PRKD1: variants seen among roughly 807,000 people sequenced by gnomAD.
The protein encoded by PRKD1 is serine/threonine-protein kinase D1.
A neutral mutation model predicts 95.9 loss-of-function variants in PRKD1; 63 were observed. The observed-to-expected ratio is 0.66, with a 90% CI of 0.54 to 0.81. The LOEUF is 0.81. Among genes scored for constraint, PRKD1 ranks in the 30% least tolerant of loss-of-function variants. The pLI is 0.00. For missense variants in PRKD1, 1,048 were observed against 1,165.3 expected (o/e 0.90, Z 1.47); for synonymous variants, 425 against 423.1 (o/e 1.00, Z -0.05).
intron 16 of PRKD1, among the ~76,000 whole-genome samples, chr14:29,579,011 GA>G (rs1892667631): frequency 6.6e-6 from 1 of 151,986 alleles, no homozygotes; most frequent in Non-Finnish European, 1.5e-5. Flanking sequence ...AGGAAGACAG[GA>G]AAGAAGTCTA....
chr14:29,728,976 T>C (rs2139403879), intron 1 of PRKD1, among the ~76,000 whole-genome samples: 1 of 152,294 alleles, frequency 6.6e-6, no homozygotes, highest in Admixed American at 6.5e-5. Flanking sequence ...CCATTGAATT[T>C]CCATATACAT....
At chr14:29,799,880 C>T (rs896120643) in intron 1 of PRKD1, among the ~76,000 whole-genome samples, 1 of 152,150 alleles carries the variant, frequency 6.6e-6, no homozygotes, top group Non-Finnish European at 1.5e-5. Flanking sequence ...ATACTCTCAA[C>T]AGTGTTCTTT....
chr14:29,619,630 C>A (rs903409475), intron 13 of PRKD1, among the ~76,000 whole-genome samples: 1 of 151,974 alleles, frequency 6.6e-6, no homozygotes, highest in Non-Finnish European at 1.5e-5. Context: ...CTACAGAAAA[C>A]AAAACAGATC....
At chr14:29,600,951 C>CA (rs2139018268) in intron 13 of PRKD1, among the ~76,000 whole-genome samples, 1 of 151,750 alleles carries the variant, frequency 6.6e-6, no homozygotes, top group African/African-American at 2.4e-5. Flanking sequence ...ACTTATATCC[C>CA]AATGAGCAAG....
In PRKD1 at chr14:29,757,420, C is replaced by G. The variant is rs113136921; in HGVS notation, c.265-31746G>C. The stretch of plus-strand genomic sequence containing the variant: ...TTACATGGAGAAACTATCATCTCAC[C>G]TGAGGTTTGAAGCATGACATGTAGC... On this transcript the variant is annotated intron_variant, in intron 1 of 17. Coordinates refer to ENST00000331968, the MANE Select transcript of PRKD1 (RefSeq NM_002742.3). Among the ~76,000 whole-genome samples, 404 of 152,222 alleles carry G rather than the reference C, an allele frequency of 2.7e-3. 3 individuals carry two copies. The highest frequency in any genetic ancestry group is 5.1e-3 in the Non-Finnish European group (344 of 68,002).
intron 1 of PRKD1, among the ~76,000 whole-genome samples, chr14:29,803,630 T>C (rs1890121297): frequency 6.6e-6 from 1 of 152,142 alleles, no homozygotes; most frequent in Non-Finnish European, 1.5e-5. Context: ...AGGATAATTA[T>C]TGGGATTCAC....
intron 2 of PRKD1, among the ~76,000 whole-genome samples, chr14:29,714,707 C>A (rs1295157003): frequency 6.6e-6 from 1 of 152,084 alleles, no homozygotes; most frequent in East Asian, 1.9e-4. Context: ...TGGAACCAAC[C>A]CAAATGCCCA....
At position 29,634,615 on chromosome 14, in the gene PRKD1, A is replaced by T. The variant is rs1880247768; in HGVS notation, c.1191-74T>A. ...TATGTATTTTCATGCATAAAACCTT[A>T]TGTCAGCTAATCCAAGTGAAACTTT... is the stretch of plus-strand genomic sequence containing the variant. On this transcript the variant is annotated intron_variant, in intron 7 of 17. Coordinates refer to ENST00000331968, the MANE Select transcript of PRKD1 (RefSeq NM_002742.3). 2.6e-6 allele frequency: 4 copies of T among 1,559,814 alleles called. No individual in the cohort carries two copies. The Admixed American group carries it at 6.7e-5, about 26-fold the overall frequency.
intron 2 of PRKD1, among the ~76,000 whole-genome samples, chr14:29,694,392 AT>A (rs1201031777): frequency 6.6e-6 from 1 of 152,238 alleles, no homozygotes; most frequent in Non-Finnish European, 1.5e-5. Context: ...ACTTTGCTTA[AT>A]AGCAGCTTAA....
At chr14:29,867,334 T>C (rs553273599) in intron 1 of PRKD1, among the ~76,000 whole-genome samples, 11 of 152,168 alleles carry the variant, frequency 7.2e-5, no homozygotes, top group South Asian at 6.2e-4. Flanking sequence ...GACATTTAAA[T>C]GTCACAAGAT....
At chr14:29,763,025 T>G (rs1241529174) in intron 1 of PRKD1, among the ~76,000 whole-genome samples, 1 of 145,564 alleles carries the variant, frequency 6.9e-6, no homozygotes, top group Non-Finnish European at 1.5e-5. Flanking sequence ...ATTACAGGCA[T>G]GAGCCACTGC....
Position 29,750,813 on chromosome 14 carries a change from T to C in PRKD1, c.265-25139A>G, listed in dbSNP as rs560037055. Among the ~76,000 whole-genome samples, 3 of 152,322 alleles carry C rather than the reference T, an allele frequency of 2.0e-5. No individual in the cohort carries two copies. In the East Asian group the frequency reaches 5.8e-4, roughly 29 times the overall value. On this transcript the variant is annotated intron_variant, in intron 1 of 17. Coordinates refer to ENST00000331968, the MANE Select transcript of PRKD1 (RefSeq NM_002742.3). ...AATGAAATAATGTTGAATGAAATTA[T>C]GTTATTTGAGGATCTGCAGTACTTT... is the stretch of plus-strand genomic sequence containing the variant.
At chr14:29,661,388 A>T (rs747769205) in intron 4 of PRKD1, among the ~76,000 whole-genome samples, 2 of 152,148 alleles carry the variant, frequency 1.3e-5, no homozygotes, top group Non-Finnish European at 2.9e-5. Context: ...TTATTGCTAT[A>T]ATATCACCTC....
At chr14:29,798,911 G>T (rs1381510902) in intron 1 of PRKD1, among the ~76,000 whole-genome samples, 1 of 152,098 alleles carries the variant, frequency 6.6e-6, no homozygotes, top group Non-Finnish European at 1.5e-5. Flanking sequence ...TAGTTGAGCT[G>T]TTCTACCCCC....
At chr14:29,639,032 T>G in intron 4 of PRKD1, 128 bp from the exon 5 acceptor site, 2 of 674,292 alleles carry the variant, frequency 3.0e-6, no homozygotes, top group Admixed American at 3.1e-5. Flanking sequence ...GAAATCATAC[T>G]GTATTTCTGT....
rs541255476 is a variant in PRKD1 at position 29,767,380 on chromosome 14, A to G, written c.265-41706T>C. Among the ~76,000 whole-genome samples the G allele has an allele frequency of 3.3e-5, 5 of 152,306 alleles. No homozygotes were observed. The South Asian group carries it at 1.0e-3, about 32-fold the overall frequency. On this transcript the variant is annotated intron_variant, in intron 1 of 17. Transcript: ENST00000331968. ...ATCCATAATCTATGCGGCTTAAATT[A>G]TAAGGATATTAATATTAATGCTTAT...
chr14:29,701,582 T>G (rs1358935008), intron 2 of PRKD1, among the ~76,000 whole-genome samples: 1 of 152,160 alleles, frequency 6.6e-6, no homozygotes, highest in East Asian at 1.9e-4. Context: ...ATTCCTTACT[T>G]TTACTTGTTA....
At chr14:29,706,277 T>A (rs1885085501) in intron 2 of PRKD1, among the ~76,000 whole-genome samples, 1 of 152,148 alleles carries the variant, frequency 6.6e-6, no homozygotes, top group Non-Finnish European at 1.5e-5. Context: ...TCTTTGCCCA[T>A]TTTATAAAAT....
At chr14:29,853,583 G>T (rs186974991) in intron 1 of PRKD1, among the ~76,000 whole-genome samples, 1 of 152,184 alleles carries the variant, frequency 6.6e-6, no homozygotes, top group Non-Finnish European at 1.5e-5. Flanking sequence ...TTCCTACACC[G>T]AAGGTCTTTG....
Sources: gnomAD v4.1 joint callset for allele counts (sites outside exome capture counted in the v4.1 genomes callset) on GRCh38, gnomAD v4.1.1 for gene constraint, MANE v1.5 for transcripts, NCBI Gene and HGNC (gene_info 2026-07-23, HGNC 2026-07-21) for gene names.